Variants in CDH2 observed in about 807,000 individuals in gnomAD.
CDH2 encodes cadherin 2.
Under a neutral mutation model 92.0 loss-of-function variants are expected in CDH2, and 17 were observed. The ratio of observed to expected loss-of-function variants is 0.18; its 90% CI spans 0.13 to 0.28. CDH2 has a LOEUF of 0.28. Among genes scored for constraint, CDH2 ranks in the 10% least tolerant of loss-of-function variants. The pLI is 1.00. For synonymous variants in CDH2, 419 were observed against 415.9 expected (o/e 1.01, Z -0.09); for missense variants, 862 against 1,133.1 (o/e 0.76, Z 3.44).
At chr18:28,015,982 C>G (rs1599035451) in intron 2 of CDH2, among the ~76,000 whole-genome samples, 1 of 152,204 alleles carries the variant, frequency 6.6e-6, no homozygotes, top group African/African-American at 2.4e-5. Context: ...TGCTCCACCC[C>G]ACAGGCTCAA....
chr18:28,108,132 T>G (rs1238312656), intron 2 of CDH2, among the ~76,000 whole-genome samples: 15 of 152,080 alleles, frequency 9.9e-5, no homozygotes, highest in Admixed American at 9.8e-4. Flanking sequence ...TTTCAAGAAG[T>G]AAAAACTACC....
chr18:28,126,780 C>T (rs75451959), intron 2 of CDH2, among the ~76,000 whole-genome samples: 16 of 152,290 alleles, frequency 1.1e-4, no homozygotes, highest in Non-Finnish European at 2.2e-4. Flanking sequence ...ATAGGCCATC[C>T]TGGCAGAACT....
chr18:28,124,523 G>A (rs1568007607), intron 2 of CDH2, among the ~76,000 whole-genome samples: 1 of 152,050 alleles, frequency 6.6e-6, no homozygotes, highest in Non-Finnish European at 1.5e-5. Context: ...AAGCCTAGTT[G>A]TTTTTTCTAA....
chr18:28,060,077 A>G (rs536525281), intron 2 of CDH2, among the ~76,000 whole-genome samples: 1 of 152,250 alleles, frequency 6.6e-6, no homozygotes, highest in African/African-American at 2.4e-5. Flanking sequence ...TCAGGAGTAC[A>G]TAACAACGCA....
intron 6 of CDH2, among the ~76,000 whole-genome samples, chr18:27,941,294 T>G (rs1278138931): frequency 6.6e-6 from 1 of 152,020 alleles, no homozygotes; most frequent in Admixed American, 6.5e-5. Flanking sequence ...CTCGGCCTCC[T>G]AAAGTGCTGG....
chr18:28,022,357 T>C lies in CDH2; in HGVS notation c.173-8448A>G, dbSNP rs17463003. On this transcript the variant is annotated intron_variant, in intron 2 of 15. Coordinates refer to ENST00000269141, the MANE Select transcript of CDH2 (RefSeq NM_001792.5). ...CATATAATTATGATAAGAAAACAAA[T>C]ACAGAGTATTAGGGAATATATAAAC... Among the ~76,000 whole-genome samples, 193 of 152,144 alleles carry C rather than the reference T, an allele frequency of 1.3e-3. 2 individuals carry two copies. The East Asian group carries it at 0.036, about 28-fold the overall frequency.
At chr18:27,954,909 G>C (rs1053694815) in intron 15 of CDH2, among the ~76,000 whole-genome samples, 1 of 152,162 alleles carries the variant, frequency 6.6e-6, no homozygotes, top group Non-Finnish European at 1.5e-5. Context: ...TCTAGCAACT[G>C]CAAATTTAAC....
chr18:27,937,648 T>C (rs1822361273), intron 6 of CDH2, among the ~76,000 whole-genome samples: 1 of 152,158 alleles, frequency 6.6e-6, no homozygotes, highest in Non-Finnish European at 1.5e-5. Flanking sequence ...TCCCTATTTC[T>C]CTCAAAGGCC....
intron 2 of CDH2, among the ~76,000 whole-genome samples, chr18:28,129,120 A>T (rs1357934438): frequency 1.3e-5 from 2 of 152,238 alleles, no homozygotes. Context: ...ATATGCAAAC[A>T]GGCCTTAGAA....
intron 14 of CDH2, among the ~76,000 whole-genome samples, chr18:27,979,866 T>C (rs530899338): frequency 6.6e-6 from 1 of 152,314 alleles, no homozygotes; most frequent in Non-Finnish European, 1.5e-5. Flanking sequence ...ATGTTCTTTG[T>C]TGGTGTGAGT....
intron 2 of CDH2, among the ~76,000 whole-genome samples, chr18:28,137,261 C>G (rs2015878186): frequency 6.6e-6 from 1 of 152,122 alleles, no homozygotes; most frequent in African/African-American, 2.4e-5. Context: ...AGACACACAT[C>G]TTCAAAAGTG....
intron 2 of CDH2, among the ~76,000 whole-genome samples, chr18:28,098,362 C>T (rs1447410067): frequency 6.7e-6 from 1 of 150,202 alleles, no homozygotes; most frequent in East Asian, 1.9e-4. Context: ...TGCCAAAAAA[C>T]ACTGAATTTG....
intron 2 of CDH2, among the ~76,000 whole-genome samples, chr18:28,023,471 GCAC>G (rs1209923661): frequency 6.7e-6 from 1 of 149,408 alleles, no homozygotes; most frequent in African/African-American, 2.5e-5. Flanking sequence ...GTACAGGCGT[GCAC>G]CACCATGCCC....
intron 2 of CDH2, among the ~76,000 whole-genome samples, chr18:28,107,265 A>G (rs1599105965): frequency 6.6e-6 from 1 of 152,112 alleles, no homozygotes; most frequent in Non-Finnish European, 1.5e-5. Flanking sequence ...ACAGCTTTAA[A>G]GTGAAGTCTG....
At chr18:27,955,517 A>G (rs1909668677) in intron 15 of CDH2, among the ~76,000 whole-genome samples, 2 of 151,228 alleles carry the variant, frequency 1.3e-5, no homozygotes. Context: ...TGTGTTTACT[A>G]TGTCCAGGGA....
At chr18:28,063,217 G>A (rs980414812) in intron 2 of CDH2, among the ~76,000 whole-genome samples, 2 of 152,136 alleles carry the variant, frequency 1.3e-5, no homozygotes, top group African/African-American at 4.8e-5. Context: ...CAAAAGAAAT[G>A]CTTATACTGC....
At chr18:28,110,809 A>G (rs2015398604) in intron 2 of CDH2, among the ~76,000 whole-genome samples, 3 of 152,164 alleles carry the variant, frequency 2.0e-5, no homozygotes. Context: ...AGAGGTGGTA[A>G]GATGTGGCCA....
At chr18:28,073,932 T>C (rs939805916) in intron 2 of CDH2, among the ~76,000 whole-genome samples, 1 of 152,246 alleles carries the variant, frequency 6.6e-6, no homozygotes, top group Admixed American at 6.5e-5. Context: ...CTCAGCACAG[T>C]GTTTAGCCAT....
intron 11 of CDH2, 65 bp downstream of exon 11, chr18:27,988,459 C>T (rs1599013257): frequency 7.1e-7 from 1 of 1,402,896 alleles, no homozygotes; most frequent in Non-Finnish European, 9.8e-7. Context: ...AACTTTAATT[C>T]CTGAGCATGC....
Sources: allele counts gnomAD v4.1 joint callset (sites outside exome capture counted in the v4.1 genomes callset), GRCh38; gene constraint gnomAD v4.1.1; transcripts MANE v1.5; gene names NCBI Gene and HGNC (gene_info 2026-07-23, HGNC 2026-07-21).